The following TNS3 variants were observed in gnomAD, a reference collection of about 807,000 sequenced individuals.
The protein encoded by TNS3 is tensin 3.
In TNS3, 45 loss-of-function variants were observed where a neutral mutation model predicts 140.9. The ratio of observed to expected loss-of-function variants is 0.32; its 90% confidence interval spans 0.25 to 0.41. The LOEUF is 0.41. Ranked by LOEUF, TNS3 falls within the 10% of genes least tolerant of loss-of-function variation. TNS3 has a pLI of 1.00. For missense variants in TNS3, 1,716 were observed against 1,906.7 expected, an observed-to-expected ratio of 0.90 and a Z score of 1.86; for synonymous variants, 815 against 788.4, an observed-to-expected ratio of 1.03 and a Z score of -0.56.
chr7:47,424,244 T>C, intron 9 of TNS3, 60 bp from the exon 10 acceptor site: 1 of 1,562,816 alleles, frequency 6.4e-7, no homozygotes, highest in Non-Finnish European at 8.8e-7. Flanking sequence ...ACGTGGGTAC[T>C]TGACGGGGGA....
intron 10 of TNS3, among the ~76,000 whole-genome samples, chr7:47,415,423 A>G (rs1441131684): frequency 6.6e-6 from 1 of 152,186 alleles, no homozygotes; most frequent in Non-Finnish European, 1.5e-5. Context: ...CCAAGGCACA[A>G]CCGGCCTCTT....
chr7:47,361,231 AG>A (rs1276895760), intron 17 of TNS3, among the ~76,000 whole-genome samples: 1 of 150,726 alleles, frequency 6.6e-6, no homozygotes, highest in East Asian at 1.9e-4. Context: ...AAAACAAGCA[AG>A]GGCCCAGCCC....
rs114766621 is a variant in TNS3 at position 47,411,708 on chromosome 7, G to A, written c.723+19C>T. ...AGAGTGGGGACACCAACCCATCTGC[G>A]GCCACAGCGGGCACTCACCATGACA... On this transcript the variant is annotated intron_variant, in intron 13 of 30. Transcript: ENST00000311160. The A allele has an allele frequency of 2.6e-3, 4,148 of 1,603,714 alleles. 101 individuals are homozygous for A. The African/African-American group carries it at 0.05, about 19-fold the overall frequency.
chr7:47,450,749 A>ACTCCTGC (rs1795976720), intron 4 of TNS3, among the ~76,000 whole-genome samples: 1 of 152,208 alleles, frequency 6.6e-6, no homozygotes, highest in Non-Finnish European at 1.5e-5. Flanking sequence ...CCCAGGGGCC[A>ACTCCTGC]ATATGGGTGC....
intron 6 of TNS3, among the ~76,000 whole-genome samples, chr7:47,437,745 TACACACACAC>T (rs67341898): frequency 0.22 from 30,456 of 135,702 alleles, 3,878 homozygotes; most frequent in Non-Finnish European, 0.29. Flanking sequence ...ACATATAGGA[TACACACACAC>T]ACACACACAC....
At position 47,493,114 on chromosome 7, in the gene TNS3, G is replaced by C. The variant is rs571843221; in HGVS notation, c.-114-11973C>G. ...AAGTGGTCACCCCTAGGGAGGGGATGCCCAGATCTCGAATAAAACCACCCT... is the reference window on the plus strand; with the variant it reads ...AAGTGGTCACCCCTAGGGAGGGGATCCCCAGATCTCGAATAAAACCACCCT... On this transcript the variant is annotated intron_variant, in intron 3 of 30. Coordinates refer to ENST00000311160, the MANE Select transcript of TNS3 (RefSeq NM_022748.12). Among the ~76,000 whole-genome samples the C allele has an allele frequency of 2.0e-5, 3 of 152,332 alleles. No homozygotes were observed. In the South Asian group the frequency reaches 6.2e-4, roughly 32 times the overall value.
At chr7:47,364,932 C>A (rs1790606109) in intron 17 of TNS3, among the ~76,000 whole-genome samples, 1 of 152,154 alleles carries the variant, frequency 6.6e-6, no homozygotes, top group African/African-American at 2.4e-5. Flanking sequence ...CTTCTGACAT[C>A]TTTTTAGTTC....
chr7:47,360,466 G>T lies in TNS3; in HGVS notation c.2281+7899C>A, dbSNP rs142947042. ...AGAGTCCCTCACGGACGCATGTCCA[G>T]CGCCCGGGGCCCTGGCTCCTTGGCT... is the stretch of plus-strand genomic sequence containing the variant. On this transcript the variant is annotated intron_variant, in intron 17 of 30. Transcript: ENST00000311160. 6.3e-3 allele frequency among the ~76,000 whole-genome samples: 960 copies of T among 152,342 alleles called. 33 individuals are homozygous for T. The highest frequency in any genetic ancestry group is 0.048 in the Admixed American group (736 of 15,308).
intron 4 of TNS3, 53 bp downstream of exon 4, chr7:47,481,050 C>T: frequency 7.8e-7 from 1 of 1,277,266 alleles, no homozygotes; most frequent in South Asian, 1.2e-5. Flanking sequence ...CAAGAAAGGA[C>T]TTAGTCCTTT....
chr7:47,292,100 T>TA (rs1402038630), intron 26 of TNS3, 68 bp from the exon 27 acceptor site: 2 of 1,500,730 alleles, frequency 1.3e-6, no homozygotes, highest in Non-Finnish European at 1.8e-6. Context: ...ATGACAAAGT[T>TA]AGACAATTTG....
At chr7:47,349,320 A>G (rs1056540665) in intron 17 of TNS3, among the ~76,000 whole-genome samples, 1 of 152,248 alleles carries the variant, frequency 6.6e-6, no homozygotes, top group Non-Finnish European at 1.5e-5. Flanking sequence ...CTTGTGCTCA[A>G]ATCTGTGTGG....
chr7:47,282,464 G>A (rs576980026), intron 28 of TNS3, among the ~76,000 whole-genome samples: 3 of 149,282 alleles, frequency 2.0e-5, no homozygotes, highest in East Asian at 2.0e-4. Flanking sequence ...TGAGTCCACC[G>A]TGAAACTGAG....
chr7:47,496,657 C>T (rs755737368), intron 3 of TNS3, among the ~76,000 whole-genome samples: 2 of 152,204 alleles, frequency 1.3e-5, no homozygotes, highest in Non-Finnish European at 2.9e-5. Context: ...CACGCACACG[C>T]AGTACAGAAC....
At chr7:47,353,561 A>G (rs1789809060) in intron 17 of TNS3, among the ~76,000 whole-genome samples, 1 of 152,242 alleles carries the variant, frequency 6.6e-6, no homozygotes, top group Admixed American at 6.5e-5. Flanking sequence ...TATCTCAATG[A>G]AGACACACAT....
intron 20 of TNS3, among the ~76,000 whole-genome samples, chr7:47,319,536 T>C (rs1481099962): frequency 1.3e-5 from 2 of 152,264 alleles, no homozygotes; most frequent in South Asian, 2.1e-4. Flanking sequence ...TCATGAAGTA[T>C]CTGCCCCCAT....
At chr7:47,371,008 C>T (rs1791041298) in intron 16 of TNS3, among the ~76,000 whole-genome samples, 1 of 152,188 alleles carries the variant, frequency 6.6e-6, no homozygotes, top group African/African-American at 2.4e-5. Context: ...CGCGCCCACG[C>T]CAGGCTTTCT....
At chr7:47,401,206 TC>T (rs1793143333) in intron 13 of TNS3, among the ~76,000 whole-genome samples, 1 of 152,208 alleles carries the variant, frequency 6.6e-6, no homozygotes, top group African/African-American at 2.4e-5. Context: ...CTATCGCTAG[TC>T]CTCAGAGAGG....
At chr7:47,524,865 G>A (rs968351121) in intron 2 of TNS3, among the ~76,000 whole-genome samples, 5 of 149,350 alleles carry the variant, frequency 3.3e-5, no homozygotes, top group African/African-American at 1.0e-4. Flanking sequence ...GCATCCCTGC[G>A]GTGGAAAGTA....
At chr7:47,488,684 G>A (rs1370150650) in intron 3 of TNS3, among the ~76,000 whole-genome samples, 2 of 152,180 alleles carry the variant, frequency 1.3e-5, no homozygotes, top group African/African-American at 4.8e-5. Context: ...TGAATTTGGG[G>A]AAACAAAATG....
Sources: allele counts gnomAD v4.1 joint callset (sites outside exome capture counted in the v4.1 genomes callset), GRCh38; gene constraint gnomAD v4.1.1; transcripts MANE v1.5; gene names NCBI Gene and HGNC (gene_info 2026-07-23, HGNC 2026-07-21).